The following EHBP1 variants were observed in gnomAD, a reference collection of about 807,000 sequenced individuals.
EHBP1 encodes EH domain binding protein 1, also known as EH domain-binding protein 1.
EHBP1 carries 55 observed loss-of-function variants against 144.0 expected under a neutral mutation model. The ratio of observed to expected loss-of-function variants is 0.38; its 90% CI spans 0.31 to 0.48. The LOEUF (loss-of-function observed/expected upper bound fraction) is 0.48, where lower values mean the gene tolerates loss of function less well. Ranked by LOEUF, EHBP1 falls within the 20% of genes least tolerant of loss-of-function variation. The pLI is 0.98. For missense variants in EHBP1, 1,200 were observed against 1,364.2 expected (o/e 0.88, Z 1.90); for synonymous variants, 469 against 472.7 (o/e 0.99, Z 0.10).
At chr2:62,968,650 A>AT (rs2058354489) in intron 14 of EHBP1, among the ~76,000 whole-genome samples, 1 of 152,142 alleles carries the variant, frequency 6.6e-6, no homozygotes, top group Admixed American at 6.6e-5. Flanking sequence ...TTGACGTTAC[A>AT]TTTTTTTGTT....
At chr2:62,858,436 G>A in intron 7 of EHBP1, 1 of 1,610,658 alleles carries the variant, frequency 6.2e-7, no homozygotes, top group Non-Finnish European at 8.5e-7. Flanking sequence ...GCTCTGAGCA[G>A]CTTAGATGAA....
chr2:62,717,814 A>G (rs918042511), intron 2 of EHBP1, among the ~76,000 whole-genome samples: 2 of 152,222 alleles, frequency 1.3e-5, no homozygotes, highest in African/African-American at 4.8e-5. Flanking sequence ...AAGAATTTAA[A>G]ATAATACCAT....
intron 10 of EHBP1, among the ~76,000 whole-genome samples, chr2:62,906,840 A>G (rs1391496665): frequency 6.6e-6 from 1 of 152,226 alleles, no homozygotes; most frequent in Non-Finnish European, 1.5e-5. Flanking sequence ...TATAAATGGA[A>G]CCATATAGTA....
At chr2:62,926,570 AT>A (rs1335326035) in intron 10 of EHBP1, among the ~76,000 whole-genome samples, 2 of 152,130 alleles carry the variant, frequency 1.3e-5, no homozygotes, top group Admixed American at 6.5e-5. Flanking sequence ...CAAAAAATAT[AT>A]TTTTTACATG....
intron 14 of EHBP1, among the ~76,000 whole-genome samples, chr2:62,977,578 A>G (rs182102314): frequency 4.5e-4 from 69 of 152,246 alleles, no homozygotes; most frequent in Middle Eastern, 3.4e-3. Flanking sequence ...ATACTGCCTT[A>G]ACATTGTTAC....
chr2:62,892,766 G>T (rs1253191843), intron 10 of EHBP1, among the ~76,000 whole-genome samples: 1 of 151,686 alleles, frequency 6.6e-6, no homozygotes, highest in Non-Finnish European at 1.5e-5. Context: ...GTTTCCAATA[G>T]AGCTCCTCTA....
chr2:62,834,958 AG>A (rs1007685718), intron 7 of EHBP1, among the ~76,000 whole-genome samples: 40 of 152,128 alleles, frequency 2.6e-4, no homozygotes, highest in Non-Finnish European at 1.5e-4. Context: ...CTTTTTTTAT[AG>A]TTTATTTTTT....
intron 10 of EHBP1, among the ~76,000 whole-genome samples, chr2:62,898,778 G>A (rs1304835418): frequency 6.6e-6 from 1 of 152,194 alleles, no homozygotes; most frequent in Non-Finnish European, 1.5e-5. Context: ...AGAGAAGGAA[G>A]AGGGGAGAAA....
At chr2:62,835,764 A>C (rs936244226) in intron 7 of EHBP1, among the ~76,000 whole-genome samples, 2 of 152,202 alleles carry the variant, frequency 1.3e-5, no homozygotes, top group Admixed American at 1.3e-4. Context: ...ACTCACACCC[A>C]AATATTGCGC....
At chr2:63,007,008 A>G (rs2060065362) in intron 19 of EHBP1, among the ~76,000 whole-genome samples, 1 of 151,926 alleles carries the variant, frequency 6.6e-6, no homozygotes, top group South Asian at 2.1e-4. Flanking sequence ...GGCTGTAAGT[A>G]TATTATCAGG....
chr2:62,761,322 G>A (rs2040749711), intron 3 of EHBP1, among the ~76,000 whole-genome samples: 1 of 152,290 alleles, frequency 6.6e-6, no homozygotes, highest in African/African-American at 2.4e-5. Flanking sequence ...TAAGTCTCGT[G>A]ATGAGCCTCT....
At chr2:62,752,214 T>G (rs1558607693) in intron 3 of EHBP1, among the ~76,000 whole-genome samples, 1 of 152,210 alleles carries the variant, frequency 6.6e-6, no homozygotes, top group Non-Finnish European at 1.5e-5. Flanking sequence ...AAGAACATCT[T>G]TATTTCTGCC....
At chr2:62,783,287 C>T (rs1049174350) in intron 5 of EHBP1, among the ~76,000 whole-genome samples, 68 of 152,268 alleles carry the variant, frequency 4.5e-4, no homozygotes, top group African/African-American at 1.6e-3. Flanking sequence ...TCCAGGTGCA[C>T]AGTGCAACCT....
At chr2:62,858,431 G>GAGCAGCTTAGATGAAGATCA (rs1460765156) in intron 7 of EHBP1, 1 of 1,609,370 alleles carries the variant, frequency 6.2e-7, no homozygotes, top group African/African-American at 1.3e-5. Flanking sequence ...TGAATGCTCT[G>GAGCAGCTTAGATGAAGATCA]AGCAGCTTAG....
chr2:62,831,771 C>T (rs1170324907), intron 7 of EHBP1, among the ~76,000 whole-genome samples: 2 of 152,180 alleles, frequency 1.3e-5, no homozygotes, highest in Non-Finnish European at 2.9e-5. Context: ...AAATTAAGCA[C>T]AATTTACATA....
intron 5 of EHBP1, among the ~76,000 whole-genome samples, chr2:62,818,665 A>G (rs2045630102): frequency 6.6e-6 from 1 of 152,202 alleles, no homozygotes; most frequent in South Asian, 2.1e-4. Flanking sequence ...GGAAAGTGGG[A>G]GGAAGGAAAT....
chr2:62,896,538 C>A (rs2152930044), intron 10 of EHBP1, among the ~76,000 whole-genome samples: 1 of 152,166 alleles, frequency 6.6e-6, no homozygotes, highest in South Asian at 2.1e-4. Context: ...TCTAAGGACT[C>A]ACACATCAAT....
At chr2:62,756,495 G>T (rs574961838) in intron 3 of EHBP1, among the ~76,000 whole-genome samples, 1 of 152,090 alleles carries the variant, frequency 6.6e-6, no homozygotes, top group Non-Finnish European at 1.5e-5. Context: ...TAGGCTGCGC[G>T]TGTTGGCTCA....
In EHBP1 at chr2:62,907,562, C is replaced by T. The variant is rs59216349; in HGVS notation, c.1185+33030C>T. ...GAGATGGCAGTCTTCTCACAGTGTC[C>T]TCACCTGCTTGAGAAAGGAAGCCAG... On this transcript the variant is annotated intron_variant, in intron 10 of 22. Coordinates refer to ENST00000431489, the MANE Select transcript of EHBP1 (RefSeq NM_001142616.3). 6.9e-3 allele frequency among the ~76,000 whole-genome samples: 1,043 copies of T among 152,232 alleles called. 11 individuals carry two copies. The highest frequency in any genetic ancestry group is 0.023 in the African/African-American group (976 of 41,542).
Sources: allele counts gnomAD v4.1 joint callset (sites outside exome capture counted in the v4.1 genomes callset), GRCh38; gene constraint gnomAD v4.1.1; transcripts MANE v1.5; gene names NCBI Gene and HGNC (gene_info 2026-07-23, HGNC 2026-07-21).